The following TMEM132D variants were observed in gnomAD, a reference collection of about 807,000 sequenced individuals.
TMEM132D encodes the protein mature OL transmembrane protein.
In TMEM132D, 21 loss-of-function variants were observed where a neutral mutation model predicts 62.3. The ratio of observed to expected loss-of-function variants is 0.34; its 90% CI spans 0.24 to 0.49. The LOEUF is 0.49. Among genes scored for constraint, TMEM132D ranks in the 20% least tolerant of loss-of-function variants. The pLI is 0.99. For synonymous variants in TMEM132D, 621 were observed against 575.6 expected (o/e 1.08, Z -1.13); for missense variants, 1,346 against 1,402.8 (o/e 0.96, Z 0.65).
chr12:129,676,042 T>C (rs1255246954), intron 2 of TMEM132D, among the ~76,000 whole-genome samples: 1 of 152,222 alleles, frequency 6.6e-6, no homozygotes, highest in Admixed American at 6.5e-5. Context: ...TAGTGTGTGC[T>C]ATGTGCCCAG....
At chr12:129,522,289 C>A (rs1875871836) in intron 3 of TMEM132D, among the ~76,000 whole-genome samples, 1 of 152,124 alleles carries the variant, frequency 6.6e-6, no homozygotes, top group African/African-American at 2.4e-5. Context: ...TAAGAAACAA[C>A]ACTTAGAATG....
intron 1 of TMEM132D, among the ~76,000 whole-genome samples, chr12:129,791,831 C>T (rs1871408144): frequency 6.6e-6 from 1 of 152,134 alleles, no homozygotes; most frequent in Non-Finnish European, 1.5e-5. Flanking sequence ...AATAGTCAAA[C>T]AGCCGTCAGC....
chr12:129,569,611 C>T (rs187981172), intron 2 of TMEM132D, among the ~76,000 whole-genome samples: 10 of 152,210 alleles, frequency 6.6e-5, no homozygotes, highest in Admixed American at 1.3e-4. Context: ...ATTTTCACAA[C>T]GTAATTTGCA....
intron 2 of TMEM132D, among the ~76,000 whole-genome samples, chr12:129,573,064 A>T (rs2137120849): frequency 6.6e-6 from 1 of 152,266 alleles, no homozygotes; most frequent in East Asian, 1.9e-4. Context: ...ACAATAAATA[A>T]ATCCATCTGG....
chr12:129,567,120 G>A (rs878953275), intron 2 of TMEM132D, among the ~76,000 whole-genome samples: 1 of 152,188 alleles, frequency 6.6e-6, no homozygotes, highest in Non-Finnish European at 1.5e-5. Context: ...ATCTAGCTCA[G>A]AATAAATCTC....
intron 5 of TMEM132D, chr12:129,085,072 C>G (rs986798840): frequency 5.9e-6 from 2 of 339,674 alleles, no homozygotes; most frequent in Non-Finnish European, 1.1e-5. Context: ...GTCCTGCTCA[C>G]CCCGCTTCTC....
chr12:129,375,598 T>C (rs1355459367), intron 3 of TMEM132D, among the ~76,000 whole-genome samples: 2 of 152,148 alleles, frequency 1.3e-5, no homozygotes, highest in East Asian at 1.9e-4. Flanking sequence ...GTTAATCTTA[T>C]GAGATTTGTG....
intron 5 of TMEM132D, among the ~76,000 whole-genome samples, chr12:129,123,141 G>A (rs964601660): frequency 2.0e-5 from 3 of 152,080 alleles, no homozygotes; most frequent in African/African-American, 7.2e-5. Flanking sequence ...CATAAAAAAT[G>A]AGCTATCTTT....
intron 4 of TMEM132D, among the ~76,000 whole-genome samples, chr12:129,286,940 T>A (rs1000503654): frequency 6.6e-6 from 1 of 151,788 alleles, no homozygotes; most frequent in Non-Finnish European, 1.5e-5. Flanking sequence ...CCCAGCTACT[T>A]GGAAGGCTGA....
intron 2 of TMEM132D, among the ~76,000 whole-genome samples, chr12:129,610,599 C>T (rs1035071876): frequency 1.3e-5 from 2 of 152,102 alleles, no homozygotes; most frequent in East Asian, 1.9e-4. Flanking sequence ...GAGAAACCAC[C>T]GTCCAGCCAA....
intron 1 of TMEM132D, among the ~76,000 whole-genome samples, chr12:129,802,236 T>C (rs948166701): frequency 7.0e-6 from 1 of 143,854 alleles, no homozygotes; most frequent in African/African-American, 2.6e-5. Flanking sequence ...CACATAATTG[T>C]CAGATTCACC....
chr12:129,226,414 A>G (rs1463165454), intron 4 of TMEM132D, among the ~76,000 whole-genome samples: 2 of 152,194 alleles, frequency 1.3e-5, no homozygotes, highest in Non-Finnish European at 2.9e-5. Context: ...GAGGCATCTC[A>G]AGGGACAGGA....
chr12:129,581,026 G>T lies in TMEM132D; in HGVS notation c.969-49821C>A, dbSNP rs755907614. On this transcript the variant is annotated intron_variant, in intron 2 of 8. Coordinates refer to ENST00000422113, the MANE Select transcript of TMEM132D (RefSeq NM_133448.3). ...CCCTCCAAACTTCATGTTGAAATTTGATCTGCAATGTTGGAGGTCAGGCCT... is the reference window on the plus strand; with the variant it reads ...CCCTCCAAACTTCATGTTGAAATTTTATCTGCAATGTTGGAGGTCAGGCCT... Among the ~76,000 whole-genome samples the T allele has an allele frequency of 2.1e-3, 317 of 152,334 alleles. 2 individuals are homozygous for T. The highest frequency in any genetic ancestry group is 1.7e-3 in the Non-Finnish European group (117 of 68,028).
intron 2 of TMEM132D, among the ~76,000 whole-genome samples, chr12:129,609,780 C>T (rs558476971): frequency 5.3e-5 from 8 of 152,256 alleles, no homozygotes; most frequent in South Asian, 2.1e-4. Flanking sequence ...CAACGTGGAA[C>T]GGAAACCACA....
At chr12:129,682,157 C>T (rs771176174) in intron 2 of TMEM132D, among the ~76,000 whole-genome samples, 2 of 152,180 alleles carry the variant, frequency 1.3e-5, no homozygotes, top group African/African-American at 2.4e-5. Context: ...TCTTGGAAAA[C>T]GAATCAACAC....
chr12:129,861,085 A>G (rs1873883043), intron 1 of TMEM132D, among the ~76,000 whole-genome samples: 1 of 152,160 alleles, frequency 6.6e-6, no homozygotes, highest in Non-Finnish European at 1.5e-5. Context: ...ACCTTTTGAA[A>G]CGCTTTCTGA....
intron 2 of TMEM132D, among the ~76,000 whole-genome samples, chr12:129,698,730 G>A (rs1260756008): frequency 1.8e-5 from 1 of 56,630 alleles, no homozygotes; most frequent in African/African-American, 7.6e-5. Context: ...GGGGAGAGGG[G>A]AGAAGGGAGG....
chr12:129,313,935 T>C (rs907092787), intron 4 of TMEM132D, among the ~76,000 whole-genome samples: 3 of 152,200 alleles, frequency 2.0e-5, no homozygotes, highest in African/African-American at 7.2e-5. Context: ...ACATTGTGGT[T>C]TTGATTTGCA....
intron 5 of TMEM132D, among the ~76,000 whole-genome samples, chr12:129,175,242 T>C (rs1383834258): frequency 6.6e-6 from 1 of 152,168 alleles, no homozygotes; most frequent in Non-Finnish European, 1.5e-5. Context: ...CTCAAGTTAA[T>C]TTTTGTATAA....
Sources: allele counts gnomAD v4.1 joint callset (sites outside exome capture counted in the v4.1 genomes callset), GRCh38; gene constraint gnomAD v4.1.1; transcripts MANE v1.5; gene names NCBI Gene and HGNC (gene_info 2026-07-23, HGNC 2026-07-21).